Variants in CEP250 observed in about 807,000 individuals in gnomAD.
CEP250 encodes centrosome-associated protein CEP250.
A neutral mutation model predicts 315.7 loss-of-function variants in CEP250; 242 were observed. That is an observed-to-expected ratio of 0.77 (90% CI 0.69 to 0.85). The LOEUF (loss-of-function observed/expected upper bound fraction) is 0.85. CEP250 is among the 40% of genes least tolerant of loss of function. CEP250 has a pLI of 0.00. For missense variants in CEP250, 2,515 were observed against 2,886.4 expected (o/e 0.87, Z 2.95); for synonymous variants, 1,088 against 1,175.0 (o/e 0.93, Z 1.51).
chr20:35,511,211 C>A, intron 34 of CEP250, 152 bp from the exon 35 acceptor site: 1 of 633,278 alleles, frequency 1.6e-6, no homozygotes, highest in Non-Finnish European at 2.7e-6. Flanking sequence ...TTCCTCTAAA[C>A]TCTCTACAGC....
chr20:35,456,401 A>C (rs1386186201), intron 1 of CEP250, among the ~76,000 whole-genome samples: 1 of 152,204 alleles, frequency 6.6e-6, no homozygotes, highest in Non-Finnish European at 1.5e-5. Context: ...CGTCTGTTGA[A>C]TTGATCTTTA....
Position 35,504,641 on chromosome 20 carries a change from G to A in CEP250, c.6272G>A (p.Gly2091Asp). The stretch of plus-strand genomic sequence containing the variant: ...GAGAGAGAAGAGGAGGAGATAAGGG[G>A]CCTTCATCAGAGTGTAAGGGAGCTA... ...GQEREEEEIR[G>D]LHQSVRELQL... Residue 2091 changes from glycine (G) to aspartate (D), a missense_variant, in exon 30 of 35, where the codon GGC (glycine) becomes GAC (aspartate). Coordinates refer to ENST00000397527, the MANE Select transcript of CEP250 (RefSeq NM_007186.6). The A allele has an allele frequency of 6.2e-7, 1 of 1,614,154 alleles. No individual in the cohort carries two copies. The highest frequency in any genetic ancestry group is 1.1e-5 in the South Asian group (1 of 91,080).
Position 35,467,274 on chromosome 20 carries a change from G to A in CEP250, c.600-30G>A, listed in dbSNP as rs942971751. ...CACACTCCTTCCCTGGTTCCTAGTGGAGTCTGCTGTTTTCCTTGCTTGTAC... is the reference window on the plus strand; with the variant it reads ...CACACTCCTTCCCTGGTTCCTAGTGAAGTCTGCTGTTTTCCTTGCTTGTAC... On this transcript the variant is annotated intron_variant, in intron 8 of 34. Transcript: ENST00000397527. 1.9e-6 allele frequency: 3 copies of A among 1,601,040 alleles called. No homozygotes were observed. The Admixed American group carries it at 5.1e-5, about 27-fold the overall frequency.
In CEP250 at chr20:35,504,025, GA is replaced by G; in HGVS notation, c.5657del (p.Glu1886GlyfsTer7). The stretch of plus-strand genomic sequence containing the variant: ...GGAGGGACGGCGGGTCCAGGCCCTG[GA>G]GGAGGTGCTGGGAGACCTAAGGGCT... ...AVEGRRVQALEEVLGDLRAES... is the reference protein window; with the variant it reads ...AVEGRRVQALXEVLGDLRAES... On this transcript the variant is annotated frameshift_variant, in exon 30 of 35. Coordinates refer to ENST00000397527, the MANE Select transcript of CEP250 (RefSeq NM_007186.6). LOFTEE classifies it high-confidence loss of function. 6.2e-7 allele frequency: 1 copy of G among 1,608,154 alleles called. No individual in the cohort carries two copies. The highest frequency in any genetic ancestry group is 8.5e-7 in the Non-Finnish European group (1 of 1,176,644).
At chr20:35,491,155 G>A (rs1273978275) in intron 21 of CEP250, 57 bp from the exon 22 acceptor site, 9 of 1,584,670 alleles carry the variant, frequency 5.7e-6, no homozygotes, top group Admixed American at 1.7e-5. Flanking sequence ...TTGTGGCCTC[G>A]TTGGTGAGCA....
intron 24 of CEP250, among the ~76,000 whole-genome samples, chr20:35,495,224 C>G (rs890854735): frequency 5.3e-5 from 8 of 152,100 alleles, no homozygotes; most frequent in African/African-American, 7.2e-5. Flanking sequence ...GTAATTGGAG[C>G]CTGGTGAATG....
Position 35,500,283 on chromosome 20 carries a change from G to A in CEP250, c.3898+114G>A, listed in dbSNP as rs2063966569. ...TCTGTTTATTTTATTTTATTTTTGAGACGACATCTCACTCTGTCACTCAGG... is the reference window on the plus strand; with the variant it reads ...TCTGTTTATTTTATTTTATTTTTGAAACGACATCTCACTCTGTCACTCAGG... On this transcript the variant is annotated intron_variant, in intron 28 of 34. Coordinates refer to ENST00000397527, the MANE Select transcript of CEP250 (RefSeq NM_007186.6). 5 of 1,303,146 alleles carry A rather than the reference G, an allele frequency of 3.8e-6. No individual in the cohort carries two copies. The Admixed American group carries it at 1.1e-4, about 29-fold the overall frequency. 80.7% of individuals were successfully genotyped at this position (1,303,146 alleles called of 1,614,324 possible).
At position 35,504,180 on chromosome 20, in the gene CEP250, A is replaced by G. The variant is rs1359351307; in HGVS notation, c.5811A>G (p.Glu1937=). The change falls in exon 30 of 35, where the codon GAA becomes GAG. Residue 1937 remains glutamate (E), a synonymous_variant. Transcript: ENST00000397527. ...TGCAGGCCCAGGCAGTGCTCAAGGA[A>G]CGGGACCAGGAGCTGGAAGCTCTGC... is the stretch of plus-strand genomic sequence containing the variant. The part of the protein sequence containing the change: ...SWLQAQAVLK[E]RDQELEALRA... 6.2e-7 allele frequency: 1 copy of G among 1,613,538 alleles called. No homozygotes were observed. The highest frequency in any genetic ancestry group is 8.5e-7 in the Non-Finnish European group (1 of 1,179,860).
intron 7 of CEP250, 130 bp from the exon 8 acceptor site, chr20:35,466,836 A>C: frequency 1.6e-6 from 1 of 637,558 alleles, no homozygotes; most frequent in Non-Finnish European, 2.9e-6. Flanking sequence ...CTGGATAGAT[A>C]CCCATTCATA....
chr20:35,483,320 CAAA>C (rs200289489), intron 20 of CEP250, among the ~76,000 whole-genome samples: 3 of 147,812 alleles, frequency 2.0e-5, no homozygotes, highest in African/African-American at 7.5e-5. Context: ...AACTCCGTCT[CAAA>C]AAAAAAAAAA....
rs946498683 is a variant in CEP250 at position 35,484,443 on chromosome 20, A to G, written c.2586+4298A>G. Reference sequence around the variant, plus strand: ...AGAGGAGACTTTTTTCCTACCCTGTATCAAAGTTGAGATAAGCATATTTCC... The same window carrying G: ...AGAGGAGACTTTTTTCCTACCCTGTGTCAAAGTTGAGATAAGCATATTTCC... On this transcript the variant is annotated intron_variant, in intron 20 of 34. Transcript: ENST00000397527. 5.5e-4 allele frequency among the ~76,000 whole-genome samples: 83 copies of G among 152,202 alleles called. 3 individuals are homozygous for G. Among genetic ancestry groups the G allele is most frequent in the Non-Finnish European group, 1.0e-4 (7 of 68,028 alleles).
chr20:35,516,165 A>G lies in CEP250; in HGVS notation c.*4539A>G, dbSNP rs1232047476. ...GATGAGTCTCTGCCAAGGCTGTGTGATGTGTCATCTGAGAGAGTGGGTAAC... is the reference window on the plus strand; with the variant it reads ...GATGAGTCTCTGCCAAGGCTGTGTGGTGTGTCATCTGAGAGAGTGGGTAAC... On this transcript the variant is annotated 3_prime_UTR_variant, in exon 35 of 35. Coordinates refer to ENST00000397527, the MANE Select transcript of CEP250 (RefSeq NM_007186.6). The G allele has an allele frequency of 6.6e-6, 1 of 152,248 alleles. No homozygotes were observed. The highest frequency in any genetic ancestry group is 1.5e-5 in the Non-Finnish European group (1 of 68,062). The allele number at this position is 152,248 out of a possible 1,614,324, so 9.4% of individuals were successfully genotyped here.
intron 17 of CEP250, among the ~76,000 whole-genome samples, chr20:35,478,717 A>G (rs796988712): frequency 5.3e-5 from 8 of 152,326 alleles, no homozygotes; most frequent in African/African-American, 1.9e-4. Context: ...TGTCTCTACC[A>G]TTAGACCAAA....
At chr20:35,472,559 G>C in intron 11 of CEP250, 114 bp from the exon 12 acceptor site, 2 of 1,081,458 alleles carry the variant, frequency 1.8e-6, no homozygotes, top group East Asian at 2.4e-5. Flanking sequence ...CTTCCCCCAG[G>C]GGAGAGGACC....
chr20:35,484,614 A>G (rs1457895941), intron 20 of CEP250, among the ~76,000 whole-genome samples: 1 of 144,866 alleles, frequency 6.9e-6, no homozygotes, highest in Non-Finnish European at 1.5e-5. Context: ...AGAGATAGGC[A>G]TTTTTTTTTT....
chr20:35,466,057 G>A lies in CEP250; in HGVS notation c.345G>A (p.Glu115=). The A allele has an allele frequency of 6.2e-7, 1 of 1,614,168 alleles. No homozygotes were observed. The highest frequency in any genetic ancestry group is 2.2e-5 in the East Asian group (1 of 44,886). Residue 115 remains glutamate, a synonymous_variant, in exon 7 of 35, where the codon GAG becomes GAA. Coordinates refer to ENST00000397527, the MANE Select transcript of CEP250 (RefSeq NM_007186.6). ...AGTGCAGGTGTGAGAGTCTAGCAGA[G>A]GTGAACACCCAGCTTCGACTGCACA... ...EEQQRCESLA[E]VNTQLRLHME... is the part of the protein sequence containing the mutation.
chr20:35,505,467 A>C (rs897000701), intron 30 of CEP250, among the ~76,000 whole-genome samples: 2 of 152,180 alleles, frequency 1.3e-5, no homozygotes, highest in Non-Finnish European at 1.5e-5. Flanking sequence ...AGTCTGGCCA[A>C]CATGGTGAAA....
chr20:35,508,874 G>A, intron 32 of CEP250, 69 bp from the exon 33 acceptor site: 1 of 1,329,906 alleles, frequency 7.5e-7, no homozygotes, highest in Non-Finnish European at 1.0e-6. Flanking sequence ...GGCCACCTCT[G>A]GAGAAAGGCA....
In CEP250 at chr20:35,463,623, G is replaced by A. The variant is rs1286361017; in HGVS notation, c.235G>A (p.Ala79Thr). 3.1e-6 allele frequency: 5 copies of A among 1,608,660 alleles called. No homozygotes were observed. The African/African-American group carries it at 5.4e-5, about 17-fold the overall frequency. The change falls in exon 5 of 35, where the codon GCC becomes ACC. Residue 79 changes from alanine (A) to threonine (T), a missense_variant. Coordinates refer to ENST00000397527, the MANE Select transcript of CEP250 (RefSeq NM_007186.6). ...WCQELEKRLE[A>T]TGGPIPQRWE... is the part of the protein sequence containing the mutation. ...CCAAGAGCTGGAGAAGCGGCTAGAA[G>A]CCACTGGAGTGAGTGAGGCTGAGCT...
Sources: allele counts gnomAD v4.1 joint callset (sites outside exome capture counted in the v4.1 genomes callset), GRCh38; gene constraint gnomAD v4.1.1; transcripts MANE v1.5; gene names NCBI Gene and HGNC (gene_info 2026-07-23, HGNC 2026-07-21).